EED: variants seen among roughly 807,000 people sequenced by gnomAD.
The protein encoded by EED is polycomb protein EED.
A neutral mutation model predicts 61.0 loss-of-function variants in EED; 9 were observed. That is an observed-to-expected ratio of 0.15 (90% CI 0.09 to 0.26). The LOEUF (loss-of-function observed/expected upper bound fraction) is 0.26. Ranked by LOEUF, EED falls within the 10% of genes least tolerant of loss-of-function variation. The probability of loss-of-function intolerance (pLI) is 1.00; values close to 1 mark genes in which losing one functional copy is unlikely to be tolerated. For missense variants in EED, 315 were observed against 542.3 expected, an observed-to-expected ratio of 0.58 and a Z score of 4.16; for synonymous variants, 187 against 174.4, an observed-to-expected ratio of 1.07 and a Z score of -0.57.
intron 2 of EED, 80 bp from the exon 3 acceptor site, chr11:86,252,066 AAG>A: frequency 9.4e-7 from 1 of 1,059,786 alleles, no homozygotes; most frequent in Non-Finnish European, 1.4e-6. Context: ...TTTTGGAAAA[AAG>A]AAGGGGATAG....
downstream of EED, among the ~76,000 whole-genome samples, chr11:86,280,204 C>A (rs1304103752): frequency 6.6e-6 from 1 of 152,146 alleles, no homozygotes; most frequent in Non-Finnish European, 1.5e-5. Flanking sequence ...GATTCTCGTG[C>A]CTCACCCTCC....
chr11:86,250,271 A>G (rs117597680), intron 1 of EED, 25 bp from the exon 2 acceptor site: 1 of 1,470,456 alleles, frequency 6.8e-7, no homozygotes, highest in East Asian at 2.6e-5. Flanking sequence ...GTTTCATGTA[A>G]TTTTTCCTCA....
At chr11:86,252,088 C>G in intron 2 of EED, 60 bp from the exon 3 acceptor site, 2 of 1,379,676 alleles carry the variant, frequency 1.4e-6, no homozygotes, top group South Asian at 1.3e-5. Flanking sequence ...GGTTAGTTTA[C>G]TGTCATTTTC....
At chr11:86,253,075 A>G (rs1439628756) in intron 3 of EED, among the ~76,000 whole-genome samples, 2 of 152,212 alleles carry the variant, frequency 1.3e-5, no homozygotes, top group Non-Finnish European at 2.9e-5. Flanking sequence ...AATGACATGT[A>G]AGGCTCTAGG....
downstream of EED, among the ~76,000 whole-genome samples, chr11:86,279,060 C>T (rs1321925461): frequency 6.6e-6 from 1 of 151,914 alleles, no homozygotes; most frequent in African/African-American, 2.4e-5. Context: ...TATAATAAGC[C>T]CTAAATGTAT....
chr11:86,274,081 T>A (rs1356873109), intron 9 of EED, among the ~76,000 whole-genome samples: 2 of 151,828 alleles, frequency 1.3e-5, no homozygotes, highest in Admixed American at 6.6e-5. Context: ...GTTTGTTTGG[T>A]CCCTAGGACT....
Position 86,278,608 on chromosome 11 carries a change from A to G in EED, c.*83A>G. The G allele has an allele frequency of 2.6e-6, 4 of 1,524,186 alleles. No homozygotes were observed. The highest frequency in any genetic ancestry group is 2.7e-6 in the Non-Finnish European group (3 of 1,127,394). 94.4% of individuals were successfully genotyped at this position (1,524,186 alleles called of 1,614,324 possible). A position where few individuals can be genotyped will look rare whatever the true frequency, so the allele number is the denominator to read the frequency against. On this transcript the variant is annotated 3_prime_UTR_variant, in exon 12 of 12. Coordinates refer to ENST00000263360, the MANE Select transcript of EED (RefSeq NM_003797.5). ...ATGTATCTTGCTAGTAAGGGCACGT[A>G]GAGCATTTAGAGTTGTCTTTCAGCA...
At chr11:86,246,282 A>C (rs1389605861) in intron 1 of EED, among the ~76,000 whole-genome samples, 1 of 152,262 alleles carries the variant, frequency 6.6e-6, no homozygotes, top group Non-Finnish European at 1.5e-5. Flanking sequence ...CAATTTATTC[A>C]AAGATACTAC....
chr11:86,257,963 T>G (rs1363347708), intron 6 of EED, among the ~76,000 whole-genome samples: 1 of 152,218 alleles, frequency 6.6e-6, no homozygotes, highest in African/African-American at 2.4e-5. Flanking sequence ...GCATGTACAT[T>G]CTCATTGCAG....
chr11:86,245,033 G>GCC lies in EED; in HGVS notation c.-194_-193dup. ...GCCGCGCGGGAGGGCGCGCGCGCGC[G>GCC]CCCCTTTTTCAGCAGTGTGGCGGGG... On this transcript the variant is annotated 5_prime_UTR_variant, in exon 1 of 12. Transcript: ENST00000263360. The GCC allele has an allele frequency of 6.2e-6, 3 of 486,010 alleles. No homozygotes were observed. The highest frequency in any genetic ancestry group is 1.1e-5 in the Non-Finnish European group (3 of 273,288). 30.1% of individuals were successfully genotyped at this position (486,010 alleles called of 1,614,324 possible).
intron 1 of EED, among the ~76,000 whole-genome samples, chr11:86,246,157 A>G (rs1945386895): frequency 1.3e-5 from 2 of 152,236 alleles, no homozygotes; most frequent in African/African-American, 4.8e-5. Context: ...TTCGGTACCA[A>G]CATTTAACCC....
Position 86,277,092 on chromosome 11 carries a change from A to T in EED, c.1079A>T (p.Gln360Leu). ...ATTCTTGGGCGATTTGATTACAGCC[A>T]GTGTGACATTTGGTACATGAGGTTT... ...VTILGRFDYS[Q>L]CDIWYMRFSM... Residue 360 changes from glutamine to leucine, a missense_variant, in exon 10 of 12, where the codon CAG (glutamine) becomes CTG (leucine). By Grantham distance (113) the Gln-to-Leu change is moderately radical. Around this residue, in one of 2 missense-constraint regions of EED, gnomAD observed 205 missense variants for 455.4 expected, o/e 0.45. Coordinates refer to ENST00000263360, the MANE Select transcript of EED (RefSeq NM_003797.5). 5 of 1,595,132 alleles carry T rather than the reference A, an allele frequency of 3.1e-6. No homozygotes were observed. The highest frequency in any genetic ancestry group is 4.3e-6 in the Non-Finnish European group (5 of 1,167,300).
chr11:86,255,534 G>C (rs1945647191), intron 4 of EED, among the ~76,000 whole-genome samples: 1 of 152,048 alleles, frequency 6.6e-6, no homozygotes, highest in African/African-American at 2.4e-5. Context: ...GTGCTGGTTG[G>C]GTGCAGATGT....
At chr11:86,275,846 G>C (rs77974869) in intron 9 of EED, among the ~76,000 whole-genome samples, 3,616 of 152,240 alleles carry the variant, frequency 0.024, 151 homozygotes, top group East Asian at 0.14. Context: ...TTGAATAATA[G>C]ATGTCATATA....
rs145321670 is a variant in EED, at chr11:86,276,601, C to T, written c.967-379C>T. The T allele has an allele frequency of 2.5e-3, 389 of 154,820 alleles. 2 individuals are homozygous for T. The highest frequency in any genetic ancestry group is 9.1e-3 in the African/African-American group (378 of 41,674). 9.6% of individuals were successfully genotyped at this position (154,820 alleles called of 1,614,324 possible). On this transcript the variant is annotated intron_variant, in intron 9 of 11. Transcript: ENST00000263360. The stretch of plus-strand genomic sequence containing the variant: ...AAGTAAGCAAGAGCCAGATTAATGC[C>T]GGATTCTGAAAAGCCATGTATTCTA...
chr11:86,281,561 A>G (rs967592941), downstream of EED, among the ~76,000 whole-genome samples: 5 of 152,170 alleles, frequency 3.3e-5, no homozygotes, highest in African/African-American at 9.7e-5. Context: ...ATTTAATGCT[A>G]TAAACTTCCC....
At chr11:86,266,836 CTT>C (rs1945993157) in intron 8 of EED, among the ~76,000 whole-genome samples, 1 of 152,162 alleles carries the variant, frequency 6.6e-6, no homozygotes, top group Non-Finnish European at 1.5e-5. Flanking sequence ...GTCATTAACA[CTT>C]TCACTATAAA....
intron 9 of EED, among the ~76,000 whole-genome samples, chr11:86,269,778 G>A (rs562296160): frequency 1.3e-5 from 2 of 152,056 alleles, no homozygotes; most frequent in Admixed American, 1.3e-4. Context: ...TTTTAAGATT[G>A]TTTTTTTCCA....
chr11:86,266,893 C>G (rs2138199626), intron 8 of EED, among the ~76,000 whole-genome samples: 1 of 152,186 alleles, frequency 6.6e-6, no homozygotes, highest in African/African-American at 2.4e-5. Context: ...TTTGTTTTAG[C>G]AAAGAGCTAG....
Sources: gnomAD v4.1 joint callset for allele counts (sites outside exome capture counted in the v4.1 genomes callset) on GRCh38, gnomAD v4.1.1 for gene constraint, gnomAD v4.1.1 regional missense constraint, MANE v1.5 for transcripts, NCBI Gene and HGNC (gene_info 2026-07-23, HGNC 2026-07-21) for gene names.